The following DHRSX variants were observed in gnomAD, a reference collection of about 807,000 sequenced individuals.
The protein encoded by DHRSX is polyprenol dehydrogenase.
DHRSX carries 31 observed loss-of-function variants against 34.0 expected under a neutral mutation model. The ratio of observed to expected loss-of-function variants is 0.91; its 90% CI spans 0.69 to 1.23. DHRSX has a LOEUF of 1.23. Ranked by LOEUF, DHRSX falls within the 50% of genes most tolerant of loss-of-function variation. DHRSX has a pLI of 0.00. For synonymous variants in DHRSX, 201 were observed against 183.8 expected (o/e 1.09, Z -0.76); for missense variants, 414 against 428.1 (o/e 0.97, Z 0.29).
intron 3 of DHRSX, among the ~76,000 whole-genome samples, chrX:2,341,184 A>T (rs961738025): frequency 1.3e-5 from 2 of 152,026 alleles, no homozygotes; most frequent in African/African-American, 4.8e-5. Context: ...CTCTTTTCCC[A>T]CCACAGGCAT....
At chrX:2,460,582 C>CTTTTTTT (rs71281906) in intron 1 of DHRSX, among the ~76,000 whole-genome samples, 28,706 of 110,300 alleles carry the variant, frequency 0.26, 4,053 homozygotes, top group African/African-American at 0.34. Context: ...CCACGTCTGG[C>CTTTTTTT]TTTTTTTTTT....
intron 1 of DHRSX, among the ~76,000 whole-genome samples, chrX:2,441,855 G>A (rs1270320927): frequency 3.3e-5 from 5 of 151,950 alleles, no homozygotes; most frequent in African/African-American, 4.8e-5. Context: ...GGTGGATCAC[G>A]AGGTCAGGAG....
chrX:2,294,803 G>A lies in DHRSX; in HGVS notation c.287-3200C>T, dbSNP rs747697935. 3.0e-3 allele frequency among the ~76,000 whole-genome samples: 377 copies of A among 124,252 alleles called. 3 individuals carry two copies. The highest frequency in any genetic ancestry group is 5.4e-3 in the Non-Finnish European group (281 of 51,670). 81.5% of individuals were successfully genotyped at this position (124,252 alleles called of 152,430 possible). A position where few individuals can be genotyped will look rare whatever the true frequency, so the allele number is the denominator to read the frequency against. ...GAGAGGAAAAAGAGAGGGAGAGAGAGAGAGGAAAAAGAGAGGGAGAGAGAG... is the reference window on the plus strand; with the variant it reads ...GAGAGGAAAAAGAGAGGGAGAGAGAAAGAGGAAAAAGAGAGGGAGAGAGAG... On this transcript the variant is annotated intron_variant, in intron 3 of 6. Coordinates refer to ENST00000334651, the MANE Select transcript of DHRSX (RefSeq NM_145177.3).
chrX:2,276,104 A>T (rs2041636675), intron 4 of DHRSX, among the ~76,000 whole-genome samples: 1 of 152,194 alleles, frequency 6.6e-6, no homozygotes, highest in Non-Finnish European at 1.5e-5. Context: ...GGCCTCCCAA[A>T]GTGCTGGGAT....
intron 1 of DHRSX, among the ~76,000 whole-genome samples, chrX:2,485,120 C>G (rs2044854374): frequency 1.3e-5 from 2 of 152,140 alleles, no homozygotes; most frequent in Admixed American, 6.5e-5. Context: ...GAAAACAAAA[C>G]CGAACCGAAA....
intron 1 of DHRSX, among the ~76,000 whole-genome samples, chrX:2,465,729 A>C (rs2044482358): frequency 1.3e-5 from 2 of 151,388 alleles, no homozygotes; most frequent in African/African-American, 4.9e-5. Context: ...GAATTGCTTG[A>C]ACCCAGGAGA....
intron 4 of DHRSX, among the ~76,000 whole-genome samples, chrX:2,291,070 G>A (rs1300417500): frequency 6.6e-6 from 1 of 152,132 alleles, no homozygotes; most frequent in East Asian, 1.9e-4. Flanking sequence ...GTGGGGAAGG[G>A]GAGATATTGA....
chrX:2,235,323 C>T (rs1206862765), intron 6 of DHRSX, among the ~76,000 whole-genome samples: 2 of 152,120 alleles, frequency 1.3e-5, no homozygotes, highest in Non-Finnish European at 2.9e-5. Flanking sequence ...AAATCACCTA[C>T]AGGTATAGTA....
intron 1 of DHRSX, among the ~76,000 whole-genome samples, chrX:2,475,372 T>C (rs1459672239): frequency 6.7e-6 from 1 of 148,946 alleles, no homozygotes; most frequent in Non-Finnish European, 1.5e-5. Context: ...ATGTACACAC[T>C]GAAGAGGTTC....
chrX:2,230,355 A>G (rs1237213337), intron 6 of DHRSX, among the ~76,000 whole-genome samples: 1 of 152,176 alleles, frequency 6.6e-6, no homozygotes, highest in East Asian at 1.9e-4. Context: ...GAGGATTAAG[A>G]AAACCTTCCT....
At chrX:2,411,558 A>C (rs1160612181) in intron 2 of DHRSX, among the ~76,000 whole-genome samples, 1 of 149,160 alleles carries the variant, frequency 6.7e-6, no homozygotes, top group Non-Finnish European at 1.5e-5. Context: ...CTGTCCCAAA[A>C]AAAAAAAAAA....
intron 6 of DHRSX, among the ~76,000 whole-genome samples, chrX:2,229,114 C>T (rs1009574129): frequency 6.6e-6 from 1 of 152,108 alleles, no homozygotes; most frequent in African/African-American, 2.4e-5. Flanking sequence ...GTTAGTAGAT[C>T]CTTGAGTTGT....
At chrX:2,237,135 G>C (rs998698473) in intron 6 of DHRSX, among the ~76,000 whole-genome samples, 1 of 152,010 alleles carries the variant, frequency 6.6e-6, no homozygotes, top group African/African-American at 2.4e-5. Flanking sequence ...GCAGTGAGCC[G>C]AGATCGCACC....
chrX:2,231,546 C>T (rs1270623949), intron 6 of DHRSX, among the ~76,000 whole-genome samples: 1 of 148,902 alleles, frequency 6.7e-6, no homozygotes, highest in Non-Finnish European at 1.5e-5. Context: ...TCTTCTATCC[C>T]TTCCTCTTCC....
chrX:2,442,296 AG>A (rs1235400074), intron 1 of DHRSX, among the ~76,000 whole-genome samples: 1 of 151,844 alleles, frequency 6.6e-6, no homozygotes, highest in Non-Finnish European at 1.5e-5. Context: ...AGGAACAAAA[AG>A]GGTTGTTCTT....
At chrX:2,317,834 T>C (rs755952251) in intron 3 of DHRSX, among the ~76,000 whole-genome samples, 1 of 152,288 alleles carries the variant, frequency 6.6e-6, no homozygotes, top group South Asian at 2.1e-4. Context: ...CATGCATTTG[T>C]CTCAGGGTGG....
At chrX:2,273,419 A>C (rs759765975) in intron 4 of DHRSX, among the ~76,000 whole-genome samples, 1 of 152,306 alleles carries the variant, frequency 6.6e-6, no homozygotes, top group East Asian at 1.9e-4. Context: ...ACTGGAGGTT[A>C]TTATTCTACG....
intron 1 of DHRSX, among the ~76,000 whole-genome samples, chrX:2,492,109 G>A (rs1323501525): frequency 6.6e-6 from 1 of 152,238 alleles, no homozygotes; most frequent in African/African-American, 2.4e-5. Flanking sequence ...GATGACTATA[G>A]TGGGTTGAAA....
intron 3 of DHRSX, among the ~76,000 whole-genome samples, chrX:2,351,263 T>A (rs2042785850): frequency 1.3e-5 from 2 of 152,168 alleles, no homozygotes; most frequent in South Asian, 4.2e-4. Flanking sequence ...AGAAAGAAAG[T>A]CAAAGACAGT....
Sources: gnomAD v4.1 joint callset for allele counts (sites outside exome capture counted in the v4.1 genomes callset) on GRCh38, gnomAD v4.1.1 for gene constraint, MANE v1.5 for transcripts, NCBI Gene and HGNC (gene_info 2026-07-23, HGNC 2026-07-21) for gene names.